The following DNAH11 variants were observed in gnomAD, a reference collection of about 807,000 sequenced individuals.
DNAH11 encodes dynein axonemal heavy chain 11, also known as axonemal beta dynein heavy chain 11.
DNAH11 carries 442 observed loss-of-function variants against 526.0 expected under a neutral mutation model. The observed-to-expected ratio is 0.84, with a 90% CI of 0.78 to 0.91. The LOEUF is 0.91. Ranked by LOEUF, DNAH11 falls within the 40% of genes least tolerant of loss-of-function variation. The probability of loss-of-function intolerance (pLI) is 0.00; values close to 1 mark genes in which losing one functional copy is unlikely to be tolerated. For missense variants in DNAH11, 6,989 were observed against 5,448.7 expected (o/e 1.28, Z -8.90); for synonymous variants, 2,461 against 1,935.9 (o/e 1.27, Z -7.12).
chr7:21,547,463 T>C (rs114111251), intron 2 of DNAH11, among the ~76,000 whole-genome samples: 1,549 of 152,314 alleles, frequency 0.01, 25 homozygotes, highest in African/African-American at 0.034. Flanking sequence ...GGTAATTTAC[T>C]TCCTAGCATG....
At chr7:21,655,300 A>G (rs1274588862) in intron 28 of DNAH11, among the ~76,000 whole-genome samples, 1 of 152,184 alleles carries the variant, frequency 6.6e-6, no homozygotes, top group African/African-American at 2.4e-5. Flanking sequence ...CTCATCAATG[A>G]AAAGGGAGAA....
chr7:21,871,800 C>A (rs1783502985), intron 73 of DNAH11, among the ~76,000 whole-genome samples: 1 of 151,868 alleles, frequency 6.6e-6, no homozygotes, highest in Non-Finnish European at 1.5e-5. Flanking sequence ...ATCCCTTCTT[C>A]TCATAAAGAC....
At chr7:21,620,999 GT>G (rs1418251064) in intron 25 of DNAH11, among the ~76,000 whole-genome samples, 1 of 151,852 alleles carries the variant, frequency 6.6e-6, no homozygotes, top group Admixed American at 6.6e-5. Context: ...AGTCTTTGCT[GT>G]TGTGAATAGT....
chr7:21,659,283 T>C (rs768967156), intron 30 of DNAH11, among the ~76,000 whole-genome samples: 3 of 148,986 alleles, frequency 2.0e-5, no homozygotes, highest in Non-Finnish European at 4.4e-5. Context: ...TACTAGATAC[T>C]GTACATGCTT....
At chr7:21,553,423 A>G (rs574831776) in intron 2 of DNAH11, among the ~76,000 whole-genome samples, 3 of 152,222 alleles carry the variant, frequency 2.0e-5, no homozygotes, top group East Asian at 1.9e-4. Context: ...TTTTCCTTAG[A>G]GAGTTCTGTA....
At chr7:21,765,988 G>A (rs1222548516) in intron 55 of DNAH11, among the ~76,000 whole-genome samples, 2 of 152,068 alleles carry the variant, frequency 1.3e-5, no homozygotes, top group South Asian at 2.1e-4. Context: ...CCGTAGCCAC[G>A]CACTGCTTGC....
chr7:21,802,047 C>T (rs563482447), intron 62 of DNAH11, among the ~76,000 whole-genome samples: 4 of 152,280 alleles, frequency 2.6e-5, no homozygotes, highest in African/African-American at 9.6e-5. Flanking sequence ...TTTCTTGTAT[C>T]TAAAACAGGG....
Position 21,698,150 on chromosome 7 carries a change from G to C in DNAH11, c.6117G>C (p.Ala2039=). 1 of 1,613,642 alleles carries C rather than the reference G, an allele frequency of 6.2e-7. No homozygotes were observed. Among genetic ancestry groups the C allele is most frequent in the African/African-American group, 1.3e-5 (1 of 75,014 alleles). Residue 2039 remains alanine, a synonymous_variant, in exon 36 of 82, where the codon GCG becomes GCC. Transcript: ENST00000409508. ...ILLVAEGFVD[A]RALARKFITL... Reference sequence around the variant, plus strand: ...TAGTTGCTGAAGGTTTTGTGGATGCGCGTGCATTAGCCCGAAAGTTCATTA... The same window carrying C: ...TAGTTGCTGAAGGTTTTGTGGATGCCCGTGCATTAGCCCGAAAGTTCATTA...
At chr7:21,799,876 T>C (rs1382310877) in intron 61 of DNAH11, among the ~76,000 whole-genome samples, 1 of 152,224 alleles carries the variant, frequency 6.6e-6, no homozygotes, top group African/African-American at 2.4e-5. Context: ...CTTGGAACTT[T>C]GCATGCATCT....
chr7:21,562,926 C>T (rs974621529), intron 5 of DNAH11, among the ~76,000 whole-genome samples: 1 of 152,044 alleles, frequency 6.6e-6, no homozygotes, highest in Non-Finnish European at 1.5e-5. Flanking sequence ...CAAAATTCAG[C>T]AGGGTTTTTT....
At chr7:21,664,901 C>A (rs1782367105) in intron 30 of DNAH11, among the ~76,000 whole-genome samples, 1 of 152,092 alleles carries the variant, frequency 6.6e-6, no homozygotes, top group African/African-American at 2.4e-5. Flanking sequence ...GTATGAGAGG[C>A]ACAACTGAAA....
At chr7:21,724,463 G>A (rs2906665) in intron 44 of DNAH11, among the ~76,000 whole-genome samples, 93,358 of 151,646 alleles carry the variant, frequency 0.62, 28,904 homozygotes, top group East Asian at 0.82. Flanking sequence ...ACTTCTATGG[G>A]GAAAAATCAC....
intron 66 of DNAH11, chr7:21,851,758 T>G: frequency 4.6e-6 from 2 of 438,302 alleles, no homozygotes; most frequent in South Asian, 3.3e-5. Flanking sequence ...TTTGCCTGTT[T>G]TTAGGATGGC....
intron 35 of DNAH11, among the ~76,000 whole-genome samples, chr7:21,695,052 C>T (rs1212451344): frequency 2.0e-5 from 3 of 152,126 alleles, no homozygotes; most frequent in Admixed American, 1.3e-4. Context: ...TGAAGGACCT[C>T]TTCAAGGAGA....
intron 55 of DNAH11, among the ~76,000 whole-genome samples, chr7:21,767,746 A>C (rs1787242015): frequency 6.6e-6 from 1 of 152,186 alleles, no homozygotes; most frequent in Admixed American, 6.5e-5. Context: ...GGTCTTCTAA[A>C]AACCTGTGGT....
At chr7:21,589,844 A>C (rs1174547934) in intron 12 of DNAH11, among the ~76,000 whole-genome samples, 1 of 152,186 alleles carries the variant, frequency 6.6e-6, no homozygotes, top group Non-Finnish European at 1.5e-5. Flanking sequence ...AGATTTGGGG[A>C]ATCAACAGAA....
intron 8 of DNAH11, among the ~76,000 whole-genome samples, chr7:21,575,185 C>A (rs1435494993): frequency 6.6e-6 from 1 of 152,120 alleles, no homozygotes; most frequent in Non-Finnish European, 1.5e-5. Flanking sequence ...CCCCTGCATT[C>A]TTTTCACTGC....
At chr7:21,859,053 A>C (rs921217729) in intron 68 of DNAH11, among the ~76,000 whole-genome samples, 15 of 152,194 alleles carry the variant, frequency 9.9e-5, no homozygotes, top group African/African-American at 9.7e-5. Flanking sequence ...AAAATATTGT[A>C]TAAAATTAAC....
chr7:21,795,373 G>C (rs1394714443), intron 61 of DNAH11, among the ~76,000 whole-genome samples: 2 of 152,108 alleles, frequency 1.3e-5, no homozygotes, highest in African/African-American at 2.4e-5. Flanking sequence ...CCTAGATCAA[G>C]CTTGGACTTT....
Sources: allele counts gnomAD v4.1 joint callset (sites outside exome capture counted in the v4.1 genomes callset), GRCh38; gene constraint gnomAD v4.1.1; transcripts MANE v1.5; gene names NCBI Gene and HGNC (gene_info 2026-07-23, HGNC 2026-07-21).